Variants in ENTPD5 observed in about 807,000 individuals in gnomAD.
ENTPD5 encodes nucleoside diphosphate phosphatase ENTPD5.
Under a neutral mutation model 60.2 loss-of-function variants are expected in ENTPD5, and 49 were observed. The ratio of observed to expected loss-of-function variants is 0.81; its 90% CI spans 0.65 to 1.03. The LOEUF (loss-of-function observed/expected upper bound fraction) is 1.03, where lower values mean the gene tolerates loss of function less well. Ranked by LOEUF, ENTPD5 falls within the 50% of genes least tolerant of loss-of-function variation. ENTPD5 has a pLI of 0.00. For synonymous variants in ENTPD5, 187 were observed against 185.4 expected, an observed-to-expected ratio of 1.01 and a Z score of -0.07; for missense variants, 480 against 507.6, an observed-to-expected ratio of 0.95 and a Z score of 0.52.
chr14:73,961,072 A>G, downstream of ENTPD5: 1 of 1,381,536 alleles, frequency 7.2e-7, no homozygotes, highest in Non-Finnish European at 9.9e-7. Context: ...GTTGGGTAGC[A>G]TTAGCCTAAG....
chr14:73,973,020 C>T lies in ENTPD5; in HGVS notation c.891G>A (p.Glu297=). The T allele has an allele frequency of 6.2e-7, 1 of 1,614,134 alleles. No homozygotes were observed. Among genetic ancestry groups the T allele is most frequent in the Non-Finnish European group, 8.5e-7 (1 of 1,179,986 alleles). The change falls in exon 13 of 16, where the codon GAG becomes GAA. Residue 297 remains glutamate, a synonymous_variant. Transcript: ENST00000334696. ...CGGCATAGCAGGGCTCAAAGCCCAC[C>T]TCCCCTGCCAGGCAAAGGTGCACAG... ...KYQYGGNQEG[E]VGFEPCYAEV... is the part of the protein sequence containing the mutation.
intron 11 of ENTPD5, among the ~76,000 whole-genome samples, chr14:73,974,412 G>A (rs1332548464): frequency 6.6e-6 from 1 of 152,154 alleles, no homozygotes; most frequent in Non-Finnish European, 1.5e-5. Context: ...CCCAATAACA[G>A]ATTACTGTAC....
chr14:73,970,306 A>G (rs1349114530), intron 14 of ENTPD5, among the ~76,000 whole-genome samples, 181 bp from the exon 15 acceptor site: 3 of 152,150 alleles, frequency 2.0e-5, no homozygotes, highest in Non-Finnish European at 2.9e-5. Context: ...AGCCTGGCCA[A>G]CGTGGTGAAA....
chr14:74,009,905 C>T (rs2058794971), intron 3 of ENTPD5, among the ~76,000 whole-genome samples: 1 of 152,088 alleles, frequency 6.6e-6, no homozygotes, highest in Admixed American at 6.6e-5. Flanking sequence ...CATTCTCCTG[C>T]CACAGCCTCC....
At chr14:73,985,846 G>T (rs1267686132) in intron 5 of ENTPD5, among the ~76,000 whole-genome samples, 2 of 151,834 alleles carry the variant, frequency 1.3e-5, no homozygotes, top group Admixed American at 6.6e-5. Context: ...GGCTGACATG[G>T]GCGGATCACA....
chr14:73,957,104 T>A (rs111535584), downstream of ENTPD5, among the ~76,000 whole-genome samples: 3,180 of 84,812 alleles, frequency 0.037, 88 homozygotes, highest in African/African-American at 0.09. Flanking sequence ...TATTATTATT[T>A]TTTTTTTTTT....
intron 3 of ENTPD5, among the ~76,000 whole-genome samples, chr14:73,995,585 A>AAATAATT (rs1555365286): frequency 9.0e-5 from 13 of 144,212 alleles, no homozygotes; most frequent in African/African-American, 2.8e-4. Context: ...ACTCTATCTC[A>AAATAATT]AATAATAATA....
chr14:73,984,055 T>G (rs968174937), intron 5 of ENTPD5, among the ~76,000 whole-genome samples: 2 of 150,240 alleles, frequency 1.3e-5, no homozygotes, highest in African/African-American at 4.9e-5. Context: ...AAGACGGAAT[T>G]TTGCTCTTGT....
At chr14:73,979,641 T>A (rs2057592647) in intron 6 of ENTPD5, among the ~76,000 whole-genome samples, 1 of 151,742 alleles carries the variant, frequency 6.6e-6, no homozygotes, top group Non-Finnish European at 1.5e-5. Context: ...CTGGCTAATT[T>A]TGTGTATTTT....
At chr14:73,990,108 C>T (rs1415453408) in intron 3 of ENTPD5, among the ~76,000 whole-genome samples, 1 of 151,912 alleles carries the variant, frequency 6.6e-6, no homozygotes, top group East Asian at 1.9e-4. Flanking sequence ...CCACTTGAGT[C>T]CAGGAGCTCA....
intron 3 of ENTPD5, among the ~76,000 whole-genome samples, chr14:74,009,723 C>T (rs908274486): frequency 6.6e-6 from 1 of 152,226 alleles, no homozygotes; most frequent in Non-Finnish European, 1.5e-5. Flanking sequence ...AATCCTCCTG[C>T]CTCAACCTCC....
intron 6 of ENTPD5, among the ~76,000 whole-genome samples, chr14:73,982,285 G>T (rs2057723429): frequency 6.6e-6 from 1 of 152,032 alleles, no homozygotes. Context: ...ATGTTAGCCA[G>T]GCTGGTCTCA....
chr14:73,963,089 T>A, downstream of ENTPD5: 1 of 1,079,132 alleles, frequency 9.3e-7, no homozygotes, highest in Non-Finnish European at 1.4e-6. Context: ...TTATTTAATT[T>A]AATAAACTTA....
Position 73,996,150 on chromosome 14 carries a change from A to G in ENTPD5, c.-70-7978T>C, listed in dbSNP as rs909396507. 2.1e-5 allele frequency: 21 copies of G among 985,252 alleles called. No homozygotes were observed. In the African/African-American group the frequency reaches 3.3e-4, roughly 16 times the overall value. 61.0% of individuals were successfully genotyped at this position (985,252 alleles called of 1,614,324 possible). ...TTCCCTGAGTCCTTGCTTTCGCTGCAGGTTGCCTTTTGCTCTTTGCTCCTG... is the reference window on the plus strand; with the variant it reads ...TTCCCTGAGTCCTTGCTTTCGCTGCGGGTTGCCTTTTGCTCTTTGCTCCTG... On this transcript the variant is annotated intron_variant, in intron 3 of 15. Transcript: ENST00000334696.
chr14:73,978,275 A>T (rs991921297), intron 6 of ENTPD5, among the ~76,000 whole-genome samples: 12 of 152,214 alleles, frequency 7.9e-5, no homozygotes, highest in Admixed American at 5.9e-4. Context: ...TGCTTTAAAA[A>T]TGGACGTCAA....
downstream of ENTPD5, chr14:73,956,014 C>G: frequency 6.3e-7 from 1 of 1,577,770 alleles, no homozygotes; most frequent in South Asian, 1.1e-5. Flanking sequence ...TTACAATATT[C>G]AGTGTCCACC....
chr14:74,017,805 AC>A (rs2059086648), intron 1 of ENTPD5, among the ~76,000 whole-genome samples: 1 of 147,956 alleles, frequency 6.8e-6, no homozygotes. Context: ...AATTGCTTGA[AC>A]CCGGGAGGCA....
chr14:73,983,145 T>TGAACG lies in ENTPD5; in HGVS notation c.309_313dup (p.Gln105ProfsTer6). On this transcript the variant is annotated frameshift_variant, in exon 6 of 16. Transcript: ENST00000334696. LOFTEE classifies it high-confidence loss of function. ...GTCTTTGGCCACCTCTAAGAGCCCT[T>TGAACG]GAACGGTCTCAGCACCCTTCAAAAG... 6.2e-7 allele frequency: 1 copy of TGAACG among 1,613,952 alleles called. No homozygotes were observed. The highest frequency in any genetic ancestry group is 8.5e-7 in the Non-Finnish European group (1 of 1,179,904).
In ENTPD5 at chr14:73,983,058, C is replaced by T. The variant is rs1206418978; in HGVS notation, c.401G>A (p.Arg134His). Residue 134 changes from arginine to histidine, a missense_variant, in exon 6 of 16, where the codon CGC becomes CAC. By Grantham distance (29) the Arg-to-His change is conservative. Coordinates refer to ENST00000334696, the MANE Select transcript of ENTPD5 (RefSeq NM_001249.5). ...PVVLKATAGL[R>H]LLPEHKAKAL... ...CTTGGCTTTGTGTTCTGGCAGTAAG[C>T]GTAGTCCTGCTGTTGCCTTTAGGAC... 1.9e-6 allele frequency: 3 copies of T among 1,614,024 alleles called. No homozygotes were observed. Among genetic ancestry groups the T allele is most frequent in the African/African-American group, 1.3e-5 (1 of 74,932 alleles).
Sources: gnomAD v4.1 joint callset for allele counts (sites outside exome capture counted in the v4.1 genomes callset) on GRCh38, gnomAD v4.1.1 for gene constraint, MANE v1.5 for transcripts, NCBI Gene and HGNC (gene_info 2026-07-23, HGNC 2026-07-21) for gene names.